The following EFCAB5 variants were observed in gnomAD, a reference collection of about 807,000 sequenced individuals.
EFCAB5 encodes the protein EF-hand calcium binding domain 5.
A neutral mutation model predicts 167.9 loss-of-function variants in EFCAB5; 131 were observed. The observed-to-expected ratio is 0.78, with a 90% CI of 0.68 to 0.90. The LOEUF (loss-of-function observed/expected upper bound fraction) is 0.90, where lower values mean the gene tolerates loss of function less well. Among genes scored for constraint, EFCAB5 ranks in the 40% least tolerant of loss-of-function variants. EFCAB5 has a pLI of 0.00. For missense variants in EFCAB5, 1,663 were observed against 1,745.2 expected (o/e 0.95, Z 0.84); for synonymous variants, 574 against 602.8 (o/e 0.95, Z 0.70).
chr17:29,942,131 A>G (rs2067307039), intron 1 of EFCAB5, 109 bp from the exon 2 acceptor site: 2 of 887,134 alleles, frequency 2.3e-6, no homozygotes, highest in Admixed American at 3.1e-5. Context: ...ATATTTACTC[A>G]TTATGTGAAA....
At chr17:30,085,719 C>CAAAA (rs60700223) in intron 18 of EFCAB5, among the ~76,000 whole-genome samples, 24 of 125,246 alleles carry the variant, frequency 1.9e-4, no homozygotes, top group East Asian at 2.9e-4. Flanking sequence ...GACTCCGTCT[C>CAAAA]AAAAAAAAAA....
chr17:30,102,490 C>A (rs1044400866), intron 22 of EFCAB5, among the ~76,000 whole-genome samples: 1 of 151,912 alleles, frequency 6.6e-6, no homozygotes, highest in African/African-American at 2.4e-5. Context: ...CCTGCCTCAG[C>A]CTCCTGAGTA....
intron 4 of EFCAB5, among the ~76,000 whole-genome samples, chr17:29,985,458 A>G (rs2068261172): frequency 6.6e-6 from 1 of 152,190 alleles, no homozygotes; most frequent in African/African-American, 2.4e-5. Context: ...TTAAAGACAC[A>G]CACACAGAAA....
At position 30,102,829 on chromosome 17, in the gene EFCAB5, TTTTC is replaced by T. The variant is rs2071399242; in HGVS notation, c.4322-5001_4322-4998del. On this transcript the variant is annotated intron_variant, in intron 22 of 22. Transcript: ENST00000394835. Reference sequence around the variant, plus strand: ...ACCAAAGGACTAAGGACTTTTCTTTTTTTCTTTGTTTCTTTTTTTGGAGACAAGG... The same window carrying T: ...ACCAAAGGACTAAGGACTTTTCTTTTTTTGTTTCTTTTTTTGGAGACAAGG... 2.6e-5 allele frequency among the ~76,000 whole-genome samples: 4 copies of T among 151,894 alleles called. No homozygotes were observed. In the South Asian group the frequency reaches 8.3e-4, roughly 32 times the overall value.
intron 7 of EFCAB5, among the ~76,000 whole-genome samples, chr17:30,025,685 C>T (rs2069299453): frequency 6.6e-6 from 1 of 152,206 alleles, no homozygotes; most frequent in East Asian, 1.9e-4. Flanking sequence ...ACCCAAAGGA[C>T]TATAAATCAT....
At chr17:30,068,944 A>G in intron 14 of EFCAB5, 1 of 1,538,214 alleles carries the variant, frequency 6.5e-7, no homozygotes, top group Non-Finnish European at 9.0e-7. Context: ...ATTCATGAGG[A>G]CCTGTTCAGA....
intron 14 of EFCAB5, 65 bp downstream of exon 14, chr17:30,059,766 A>G (rs2070375828): frequency 7.2e-7 from 1 of 1,383,870 alleles, no homozygotes; most frequent in Non-Finnish European, 9.6e-7. Flanking sequence ...TTCTCAGTAC[A>G]CATATACAGT....
At chr17:30,003,852 A>G (rs2068719515) in intron 7 of EFCAB5, among the ~76,000 whole-genome samples, 1 of 152,170 alleles carries the variant, frequency 6.6e-6, no homozygotes, top group African/African-American at 2.4e-5. Context: ...TCCTCATACA[A>G]TATGTGATCT....
chr17:30,073,249 G>T (rs1389369422), intron 14 of EFCAB5: 16 of 642,240 alleles, frequency 2.5e-5, no homozygotes, highest in Non-Finnish European at 4.5e-5. Context: ...TATGGATGGG[G>T]TCTCTCTGTG....
intron 4 of EFCAB5, among the ~76,000 whole-genome samples, chr17:29,982,890 A>C (rs751163159): frequency 6.6e-6 from 1 of 152,226 alleles, no homozygotes; most frequent in South Asian, 2.1e-4. Context: ...TGTCACAACT[A>C]GGTGGGGAAG....
intron 14 of EFCAB5, chr17:30,074,123 T>G (rs2070818476): frequency 6.6e-6 from 1 of 152,300 alleles, no homozygotes; most frequent in African/African-American, 2.4e-5. Context: ...CAGCATAATT[T>G]TTACTTTTTT....
chr17:29,962,815 C>T (rs1324997279), intron 3 of EFCAB5, among the ~76,000 whole-genome samples: 2 of 152,064 alleles, frequency 1.3e-5, no homozygotes, highest in Non-Finnish European at 2.9e-5. Flanking sequence ...TGTCTTATAG[C>T]TCTGGCTAGA....
chr17:30,102,783 C>CAGAA (rs1380021803), intron 22 of EFCAB5, among the ~76,000 whole-genome samples: 1 of 151,960 alleles, frequency 6.6e-6, no homozygotes, highest in African/African-American at 2.4e-5. Context: ...CATTGAAAGA[C>CAGAA]AGAAAGAAAG....
chr17:29,941,795 AAATG>A lies in EFCAB5; in HGVS notation c.5_8del (p.Asn2_?3). 1 of 1,604,494 alleles carries A rather than the reference AAATG, an allele frequency of 6.2e-7. No individual in the cohort carries two copies. The highest frequency in any genetic ancestry group is 8.5e-7 in the Non-Finnish European group (1 of 1,174,662). On this transcript the variant is annotated start_lost and 5_prime_UTR_variant, in exon 1 of 23. Coordinates refer to ENST00000394835, the MANE Select transcript of EFCAB5 (RefSeq NM_198529.4). Reference sequence around the variant, plus strand: ...CATTTGGTGATAACTTTTGGAGTCCAAATGAATGAGTCAGCATCTCAAGAGGAAC... The same window carrying A: ...CATTTGGTGATAACTTTTGGAGTCCAAATGAGTCAGCATCTCAAGAGGAAC...
intron 14 of EFCAB5, among the ~76,000 whole-genome samples, chr17:30,076,909 A>G (rs938259684): frequency 1.3e-5 from 2 of 152,258 alleles, no homozygotes; most frequent in African/African-American, 2.4e-5. Flanking sequence ...AGATATGTTG[A>G]AAAGATAAAC....
chr17:29,973,613 G>C lies in EFCAB5; in HGVS notation c.767+4246G>C, dbSNP rs559410258. 9.5e-4 allele frequency among the ~76,000 whole-genome samples: 139 copies of C among 145,792 alleles called. 2 individuals carry two copies. In the Middle Eastern group the frequency reaches 0.01, roughly 11 times the overall value. On this transcript the variant is annotated intron_variant, in intron 4 of 22. Coordinates refer to ENST00000394835, the MANE Select transcript of EFCAB5 (RefSeq NM_198529.4). ...CTGCCTCAGCCTCCTGAGTAGCTGGGATTACAGGCACCCGCCACTACACCC... is the reference window on the plus strand; with the variant it reads ...CTGCCTCAGCCTCCTGAGTAGCTGGCATTACAGGCACCCGCCACTACACCC...
At chr17:29,947,172 CAAAAA>C (rs71278523) in intron 3 of EFCAB5, among the ~76,000 whole-genome samples, 1 of 66,864 alleles carries the variant, frequency 1.5e-5, no homozygotes. Context: ...GACTCCATCT[CAAAAA>C]AAAAAAAAAA....
At chr17:30,038,732 C>T (rs1005712484) in intron 8 of EFCAB5, among the ~76,000 whole-genome samples, 7 of 152,246 alleles carry the variant, frequency 4.6e-5, no homozygotes, top group Non-Finnish European at 7.3e-5. Flanking sequence ...TGTGATTGAG[C>T]ATCCTTTCTG....
intron 3 of EFCAB5, among the ~76,000 whole-genome samples, chr17:29,950,151 C>T (rs2067478902): frequency 6.6e-6 from 1 of 152,230 alleles, no homozygotes; most frequent in Non-Finnish European, 1.5e-5. Context: ...AACCCTTCCT[C>T]TTCCTCCTCT....
Sources: gnomAD v4.1 joint callset for allele counts (sites outside exome capture counted in the v4.1 genomes callset) on GRCh38, gnomAD v4.1.1 for gene constraint, MANE v1.5 for transcripts, NCBI Gene and HGNC (gene_info 2026-07-23, HGNC 2026-07-21) for gene names.